The following LEKR1 variants were observed in gnomAD, a reference collection of about 807,000 sequenced individuals.
The protein encoded by LEKR1 is protein LEKR1.
Under a neutral mutation model 72.4 loss-of-function variants are expected in LEKR1, and 59 were observed. That is an observed-to-expected ratio of 0.82 (90% CI 0.66 to 1.01). The LOEUF (loss-of-function observed/expected upper bound fraction) is 1.01. Among genes scored for constraint, LEKR1 ranks in the 50% least tolerant of loss-of-function variants. The pLI is 0.00. For synonymous variants in LEKR1, 257 were observed against 263.2 expected (o/e 0.98, Z 0.23); for missense variants, 728 against 759.2 (o/e 0.96, Z 0.48).
Position 156,856,243 on chromosome 3 carries a change from C to CTTGA in LEKR1, c.263+3262_263+3265dup, listed in dbSNP as rs570658932. Among the ~76,000 whole-genome samples, 8 of 152,284 alleles carry CTTGA rather than the reference C, an allele frequency of 5.3e-5. No homozygotes were observed. The East Asian group carries it at 1.5e-3, about 29-fold the overall frequency. On this transcript the variant is annotated intron_variant, in intron 3 of 12. Transcript: ENST00000356539. ...AAATTCTTCATCCTCTCTCCCTTGACTTGAAATGCCACCTATTAATTTTTC... is the reference window on the plus strand; with the variant it reads ...AAATTCTTCATCCTCTCTCCCTTGACTTGATTGAAATGCCACCTATTAATTTTTC...
At chr3:156,838,641 A>T (rs904422787) in intron 2 of LEKR1, among the ~76,000 whole-genome samples, 3 of 152,222 alleles carry the variant, frequency 2.0e-5, no homozygotes, top group Non-Finnish European at 4.4e-5. Flanking sequence ...TCTAGGAAGG[A>T]TGTCTTTCTC....
At chr3:156,920,254 A>G (rs1026403323) in intron 3 of LEKR1, among the ~76,000 whole-genome samples, 5 of 152,238 alleles carry the variant, frequency 3.3e-5, no homozygotes, top group Non-Finnish European at 4.4e-5. Flanking sequence ...TTTAAATGAA[A>G]TTAAATTAAT....
chr3:156,970,756 A>T (rs1193454261), intron 6 of LEKR1, among the ~76,000 whole-genome samples: 1 of 152,172 alleles, frequency 6.6e-6, no homozygotes, highest in East Asian at 1.9e-4. Flanking sequence ...CAAAGAGAAT[A>T]AAATACCTAG....
At chr3:156,922,085 A>T (rs1293964377) in intron 4 of LEKR1, among the ~76,000 whole-genome samples, 1 of 152,202 alleles carries the variant, frequency 6.6e-6, no homozygotes, top group Non-Finnish European at 1.5e-5. Context: ...AATAGTACAT[A>T]CTAAAAACAA....
At chr3:157,023,873 C>T (rs1228305930) in intron 10 of LEKR1, among the ~76,000 whole-genome samples, 2 of 152,178 alleles carry the variant, frequency 1.3e-5, no homozygotes, top group Non-Finnish European at 2.9e-5. Context: ...TGCTCTTCAC[C>T]TTTCAGTGGG....
chr3:156,994,676 C>T (rs964310406), intron 9 of LEKR1, among the ~76,000 whole-genome samples: 14 of 152,216 alleles, frequency 9.2e-5, no homozygotes, highest in East Asian at 1.9e-4. Flanking sequence ...TATATGCTAA[C>T]GTATATAGTC....
Position 156,908,348 on chromosome 3 carries a change from T to G in LEKR1, c.264-12227T>G, listed in dbSNP as rs960874635. Among the ~76,000 whole-genome samples the G allele has an allele frequency of 4.6e-5, 7 of 152,190 alleles. No homozygotes were observed. The East Asian group carries it at 1.3e-3, about 29-fold the overall frequency. On this transcript the variant is annotated intron_variant, in intron 3 of 12. Transcript: ENST00000356539. ...AGTGGCTATTATTGTACAGTTTTAA[T>G]GGTGATTTTCTCATTCACTCGTTCC...
At chr3:156,981,409 T>C (rs1249338244) in intron 7 of LEKR1, among the ~76,000 whole-genome samples, 2 of 152,212 alleles carry the variant, frequency 1.3e-5, no homozygotes, top group Admixed American at 6.5e-5. Flanking sequence ...AAACTAATTA[T>C]CTGTAGGAAG....
chr3:157,000,761 T>C (rs753122027), intron 9 of LEKR1, among the ~76,000 whole-genome samples: 16 of 152,220 alleles, frequency 1.1e-4, no homozygotes, highest in Non-Finnish European at 1.6e-4. Context: ...ATCCTTGGAG[T>C]GATTCCATTT....
intron 2 of LEKR1, among the ~76,000 whole-genome samples, chr3:156,841,018 T>C (rs1256524496): frequency 6.6e-6 from 1 of 152,180 alleles, no homozygotes; most frequent in African/African-American, 2.4e-5. Flanking sequence ...CCTAATCACC[T>C]CTCAGGCAGA....
At chr3:156,877,780 A>G (rs1347277589) in intron 3 of LEKR1, among the ~76,000 whole-genome samples, 1 of 150,678 alleles carries the variant, frequency 6.6e-6, no homozygotes, top group African/African-American at 2.4e-5. Flanking sequence ...CTTTATTTTT[A>G]TTTATTTATT....
At chr3:156,868,337 A>G (rs752261487) in intron 3 of LEKR1, among the ~76,000 whole-genome samples, 1 of 152,016 alleles carries the variant, frequency 6.6e-6, no homozygotes, top group Admixed American at 6.6e-5. Context: ...CCATTTTTCT[A>G]TTAACGGATG....
At chr3:156,972,639 A>AAT (rs1426060656) in intron 6 of LEKR1, among the ~76,000 whole-genome samples, 3 of 151,476 alleles carry the variant, frequency 2.0e-5, no homozygotes, top group Non-Finnish European at 4.4e-5. Flanking sequence ...ATTTATATGT[A>AAT]ATATATATAA....
At chr3:156,993,453 G>C (rs551026064) in intron 9 of LEKR1, among the ~76,000 whole-genome samples, 176 bp downstream of exon 9, 1 of 152,000 alleles carries the variant, frequency 6.6e-6, no homozygotes, top group East Asian at 1.9e-4. Context: ...TGATTAGACT[G>C]AAGCTCCAGT....
intron 12 of LEKR1, among the ~76,000 whole-genome samples, chr3:157,035,860 T>G (rs979691274): frequency 3.3e-5 from 5 of 152,182 alleles, no homozygotes; most frequent in Admixed American, 2.6e-4. Context: ...ATCACACCAC[T>G]GCACTCCAGC....
At chr3:156,940,577 A>T (rs944117638) in intron 5 of LEKR1, among the ~76,000 whole-genome samples, 3 of 152,208 alleles carry the variant, frequency 2.0e-5, no homozygotes, top group Non-Finnish European at 4.4e-5. Flanking sequence ...TTGACCCAGG[A>T]TTGCCATAGG....
intron 5 of LEKR1, among the ~76,000 whole-genome samples, chr3:156,933,890 C>G (rs1560091787): frequency 6.6e-6 from 1 of 152,150 alleles, no homozygotes; most frequent in South Asian, 2.1e-4. Flanking sequence ...CCTTAGAAAG[C>G]TTCACTCACT....
intron 3 of LEKR1, among the ~76,000 whole-genome samples, chr3:156,856,006 G>T (rs1052044787): frequency 2.4e-4 from 36 of 151,170 alleles, no homozygotes; most frequent in African/African-American, 7.8e-4. Context: ...GAAAGCAAAG[G>T]TATTCACTAA....
chr3:156,891,489 G>A (rs1720664357), intron 3 of LEKR1, among the ~76,000 whole-genome samples: 1 of 152,094 alleles, frequency 6.6e-6, no homozygotes, highest in African/African-American at 2.4e-5. Flanking sequence ...AGAAATATAA[G>A]GTTATTGTTT....
Sources: gnomAD v4.1 joint callset for allele counts (sites outside exome capture counted in the v4.1 genomes callset) on GRCh38, gnomAD v4.1.1 for gene constraint, MANE v1.5 for transcripts, NCBI Gene and HGNC (gene_info 2026-07-23, HGNC 2026-07-21) for gene names.